GATC: variants seen among roughly 807,000 people sequenced by gnomAD.
GATC encodes glutamyl-tRNA amidotransferase subunit C.
GATC carries 11 observed loss-of-function variants against 14.4 expected under a neutral mutation model. The observed-to-expected ratio is 0.77, with a 90% CI of 0.48 to 1.27. The LOEUF is 1.27. Among genes scored for constraint, GATC ranks in the 50% most tolerant of loss-of-function variants. The pLI, the probability that GATC is intolerant of heterozygous loss-of-function variation, is 0.00. For missense variants in GATC, 204 were observed against 183.0 expected (o/e 1.11, Z -0.66); for synonymous variants, 76 against 79.3 (o/e 0.96, Z 0.22).
intron 2 of GATC, among the ~76,000 whole-genome samples, chr12:120,452,305 G>GA (rs1434829467): frequency 6.6e-6 from 1 of 152,184 alleles, no homozygotes; most frequent in African/African-American, 2.4e-5. Context: ...AATAAGCAGA[G>GA]AATTTGGAAC....
rs1288008103 is a variant in GATC at position 120,461,611 on chromosome 12, A to T, written c.*1652A>T. ...TATGACTACAACTCAGTGATTTTTT[A>T]AATTAGTGTGCCTATTTGGTGAAAT... On this transcript the variant is annotated 3_prime_UTR_variant, in exon 4 of 4. Transcript: ENST00000551765. 6.5e-6 allele frequency: 1 copy of T among 153,972 alleles called. No individual in the cohort carries two copies. Among genetic ancestry groups the T allele is most frequent in the Non-Finnish European group, 1.4e-5 (1 of 69,312 alleles). 9.5% of individuals were successfully genotyped at this position (153,972 alleles called of 1,614,324 possible). A position where few individuals can be genotyped will look rare whatever the true frequency, so the allele number is the denominator to read the frequency against.
intron 2 of GATC, chr12:120,455,078 G>T: frequency 2.6e-6 from 1 of 388,036 alleles, no homozygotes. Flanking sequence ...AGTAGAGACA[G>T]GGTTTCACCA....
intron 3 of GATC, among the ~76,000 whole-genome samples, chr12:120,457,637 G>A (rs1404421801): frequency 8.2e-6 from 1 of 122,334 alleles, no homozygotes; most frequent in East Asian, 2.2e-4. Flanking sequence ...ACGGAGTTTC[G>A]CTCTTGTTGC....
In GATC at chr12:120,459,936, C is replaced by A. The variant is rs768768952; in HGVS notation, c.388C>A (p.Gln130Lys). Residue 130 changes from glutamine (Q) to lysine (K), a missense_variant, in exon 4 of 4, where the codon CAA (glutamine) becomes AAA (lysine). Coordinates refer to ENST00000551765, the MANE Select transcript of GATC (RefSeq NM_176818.3). ...GNISLPKLDE[Q>K]EPFPHS ...TATCTCTTTGCCAAAGCTGGATGAACAAGAGCCATTCCCACACAGCTGAGT... is the reference window on the plus strand; with the variant it reads ...TATCTCTTTGCCAAAGCTGGATGAAAAAGAGCCATTCCCACACAGCTGAGT... The A allele has an allele frequency of 3.1e-6, 5 of 1,612,768 alleles. No homozygotes were observed. In the African/African-American group the frequency reaches 5.3e-5, roughly 17 times the overall value.
intron 2 of GATC, among the ~76,000 whole-genome samples, chr12:120,455,842 C>G (rs980279878): frequency 2.0e-5 from 3 of 152,120 alleles, no homozygotes; most frequent in Admixed American, 2.0e-4. Context: ...CCCACCACCA[C>G]GCCCGGCTAA....
At chr12:120,458,887 G>A (rs1158491658) in intron 3 of GATC, among the ~76,000 whole-genome samples, 4 of 152,172 alleles carry the variant, frequency 2.6e-5, no homozygotes, top group African/African-American at 9.7e-5. Context: ...TTGAGACGGA[G>A]TCTTGCTCTG....
chr12:120,455,939 G>T (rs1303799721), intron 2 of GATC, among the ~76,000 whole-genome samples: 1 of 152,104 alleles, frequency 6.6e-6, no homozygotes, highest in Non-Finnish European at 1.5e-5. Flanking sequence ...GCCCACCTCG[G>T]CCTCCCAAAG....
At chr12:120,459,003 G>C (rs191489542) in intron 3 of GATC, among the ~76,000 whole-genome samples, 1 of 152,158 alleles carries the variant, frequency 6.6e-6, no homozygotes, top group East Asian at 1.9e-4. Context: ...TAGGACTACA[G>C]GCGCCCACCA....
chr12:120,449,286 G>T (rs1044538973), intron 2 of GATC, among the ~76,000 whole-genome samples: 2 of 151,964 alleles, frequency 1.3e-5, no homozygotes, highest in Non-Finnish European at 1.5e-5. Flanking sequence ...TGTGGCTCTC[G>T]TGATATCCAA....
intron 3 of GATC, among the ~76,000 whole-genome samples, chr12:120,458,204 T>C (rs533666302): frequency 6.6e-6 from 1 of 151,492 alleles, no homozygotes; most frequent in Non-Finnish European, 1.5e-5. Flanking sequence ...ATTCTCTGCC[T>C]CAGCCTGCCG....
intron 3 of GATC, among the ~76,000 whole-genome samples, chr12:120,458,040 T>C (rs890169391): frequency 3.9e-5 from 6 of 152,084 alleles, no homozygotes; most frequent in African/African-American, 1.4e-4. Context: ...CAGGCAGGAA[T>C]GTAAACCCAT....
intron 2 of GATC, among the ~76,000 whole-genome samples, chr12:120,449,355 C>T (rs1202715545): frequency 1.3e-5 from 2 of 151,978 alleles, no homozygotes; most frequent in African/African-American, 4.8e-5. Context: ...GAGTCTCTGC[C>T]CCTCTCCTGC....
rs745792428 is a variant in GATC, at chr12:120,446,492, G to A, written c.12G>A (p.Arg4=). MWS[R]LVWLGLRAPL... ...CAAGGAAGGAAGAAATGTGGTCGCG[G>A]TTGGTGTGGCTGGGCCTTCGGGCCC... The change falls in exon 1 of 4, where the codon CGG becomes CGA. Residue 4 remains arginine, a synonymous_variant. Coordinates refer to ENST00000551765, the MANE Select transcript of GATC (RefSeq NM_176818.3). The A allele has an allele frequency of 6.2e-7, 1 of 1,607,698 alleles. No individual in the cohort carries two copies. Among genetic ancestry groups the A allele is most frequent in the Non-Finnish European group, 8.5e-7 (1 of 1,176,238 alleles).
At chr12:120,452,759 A>G (rs966689124) in intron 2 of GATC, among the ~76,000 whole-genome samples, 4 of 152,044 alleles carry the variant, frequency 2.6e-5, no homozygotes, top group East Asian at 1.9e-4. Flanking sequence ...CAGTGGCGCA[A>G]TCTTGGCTCA....
intron 2 of GATC, 84 bp downstream of exon 2, chr12:120,446,913 G>T: frequency 7.3e-7 from 1 of 1,360,914 alleles, no homozygotes; most frequent in Non-Finnish European, 1.0e-6. Flanking sequence ...CAGTTTTCCA[G>T]GGGGTTAAAG....
chr12:120,456,665 C>G (rs544229533), intron 2 of GATC, among the ~76,000 whole-genome samples: 1 of 152,328 alleles, frequency 6.6e-6, no homozygotes, highest in African/African-American at 2.4e-5. Flanking sequence ...CTTGCCCATC[C>G]TTGAACAGTG....
chr12:120,456,100 G>T (rs1878177364), intron 2 of GATC, among the ~76,000 whole-genome samples: 2 of 152,186 alleles, frequency 1.3e-5, no homozygotes, highest in Non-Finnish European at 2.9e-5. Flanking sequence ...CCCACTCAAA[G>T]CAGGAGGAGC....
intron 2 of GATC, chr12:120,454,872 AT>A (rs1475798499): frequency 8.4e-6 from 2 of 237,558 alleles, no homozygotes; most frequent in South Asian, 4.3e-5. Context: ...AAAAAAAAAA[AT>A]CTAGTACAAC....
chr12:120,457,106 A>G lies in GATC; in HGVS notation c.285A>G (p.Val95=). 1 of 1,614,014 alleles carries G rather than the reference A, an allele frequency of 6.2e-7. No individual in the cohort carries two copies. The highest frequency in any genetic ancestry group is 8.5e-7 in the Non-Finnish European group (1 of 1,179,882). ...RCLYLRSDNV[V]EGNCADELLQ... ...TATACCTGAGATCCGACAATGTGGT[A>G]GAAGGCAACTGTGCTGATGAATTAC... The change falls in exon 3 of 4, where the codon GTA becomes GTG. Residue 95 remains valine, a synonymous_variant. Coordinates refer to ENST00000551765, the MANE Select transcript of GATC (RefSeq NM_176818.3).
Sources: allele counts gnomAD v4.1 joint callset (sites outside exome capture counted in the v4.1 genomes callset), GRCh38; gene constraint gnomAD v4.1.1; transcripts MANE v1.5; gene names NCBI Gene and HGNC (gene_info 2026-07-23, HGNC 2026-07-21).